The following ATOSA variants were observed in gnomAD, a reference collection of about 807,000 sequenced individuals.
The protein encoded by ATOSA is atos homolog protein A.
chr15:52,625,079 A>T, the ATOSA span, among the ~76,000 whole-genome samples: 1 of 152,168 alleles, frequency 6.6e-6, no homozygotes, highest in African/African-American at 2.4e-5. Context: ...GTGCCTGGCC[A>T]TGTGTACCTG....
chr15:52,661,673 T>C, the ATOSA span, among the ~76,000 whole-genome samples: 1 of 152,098 alleles, frequency 6.6e-6, no homozygotes. Flanking sequence ...CAACTTAGAG[T>C]ACCCTGGTAA....
chr15:52,635,447 C>A, the ATOSA span, among the ~76,000 whole-genome samples: 1 of 152,266 alleles, frequency 6.6e-6, no homozygotes, highest in African/African-American at 2.4e-5. Context: ...AATGCCAGCA[C>A]TTTGGGAGGC....
At chr15:52,699,250 T>TCA in the ATOSA span, among the ~76,000 whole-genome samples, 13 of 152,176 alleles carry the variant, frequency 8.5e-5, no homozygotes, top group Non-Finnish European at 1.8e-4. Context: ...GTCTGTGCCT[T>TCA]CACAGTGGTG....
At chr15:52,614,451 T>G in the ATOSA span, among the ~76,000 whole-genome samples, 1 of 152,060 alleles carries the variant, frequency 6.6e-6, no homozygotes, top group South Asian at 2.1e-4. Flanking sequence ...CTTTTCTAAT[T>G]AAAAAGTGAC....
the ATOSA span, among the ~76,000 whole-genome samples, chr15:52,616,201 G>C: frequency 1.3e-5 from 2 of 152,246 alleles, no homozygotes; most frequent in Non-Finnish European, 2.9e-5. Flanking sequence ...TAGTTGAGTA[G>C]GGGTATGTGG....
At chr15:52,586,871 T>C in the ATOSA span, 2 of 281,920 alleles carry the variant, frequency 7.1e-6, no homozygotes, top group Non-Finnish European at 6.2e-6. Context: ...GCACCAGTAA[T>C]ATTAGGTTCT....
chr15:52,674,351 G>A, the ATOSA span, among the ~76,000 whole-genome samples: 2 of 152,054 alleles, frequency 1.3e-5, no homozygotes, highest in African/African-American at 4.8e-5. Flanking sequence ...GCAACAGGCC[G>A]TGGACCACAC....
At chr15:52,587,264 T>C in the ATOSA span, 1 of 1,478,704 alleles carries the variant, frequency 6.8e-7, no homozygotes. Context: ...GATGCATATG[T>C]ACATAAAAGA....
At chr15:52,690,686 A>G in the ATOSA span, among the ~76,000 whole-genome samples, 1 of 152,250 alleles carries the variant, frequency 6.6e-6, no homozygotes, top group Admixed American at 6.5e-5. Flanking sequence ...GAATAAAATG[A>G]TGACATTTAT....
At chr15:52,700,689 A>G in the ATOSA span, among the ~76,000 whole-genome samples, 2 of 152,228 alleles carry the variant, frequency 1.3e-5, no homozygotes, top group Admixed American at 1.3e-4. Context: ...ATTAAAGATA[A>G]TTAAGCAGTA....
the ATOSA span, among the ~76,000 whole-genome samples, chr15:52,702,062 G>A: frequency 6.6e-6 from 1 of 152,240 alleles, no homozygotes; most frequent in African/African-American, 2.4e-5. Flanking sequence ...ACAAGATTTT[G>A]TATGGGATAC....
chr15:52,699,667 C>T, the ATOSA span, among the ~76,000 whole-genome samples: 1 of 151,884 alleles, frequency 6.6e-6, no homozygotes, highest in Non-Finnish European at 1.5e-5. Flanking sequence ...TGGTGGTAAA[C>T]AGGGCCTTTT....
At chr15:52,650,660 C>G in the ATOSA span, among the ~76,000 whole-genome samples, 2 of 152,084 alleles carry the variant, frequency 1.3e-5, no homozygotes, top group African/African-American at 4.8e-5. Flanking sequence ...AAAAGAACAA[C>G]AACAAAACCC....
At chr15:52,598,269 T>C in the ATOSA span, among the ~76,000 whole-genome samples, 1 of 152,216 alleles carries the variant, frequency 6.6e-6, no homozygotes, top group Non-Finnish European at 1.5e-5. Flanking sequence ...TACGAATTTG[T>C]GTTGGGCTGC....
chr15:52,634,897 T>C, the ATOSA span, among the ~76,000 whole-genome samples: 26 of 152,154 alleles, frequency 1.7e-4, no homozygotes, highest in Non-Finnish European at 1.0e-4. Flanking sequence ...CCATGGTGCC[T>C]GGCCAGATGT....
At chr15:52,681,383 T>TATAGTACC in the ATOSA span, among the ~76,000 whole-genome samples, 1 of 152,318 alleles carries the variant, frequency 6.6e-6, no homozygotes, top group South Asian at 2.1e-4. Flanking sequence ...TCAAGGAGCT[T>TATAGTACC]ATAGTACTAT....
the ATOSA span, among the ~76,000 whole-genome samples, chr15:52,662,601 T>C: frequency 1.3e-5 from 2 of 152,058 alleles, no homozygotes; most frequent in Non-Finnish European, 2.9e-5. Flanking sequence ...AAACCCCGTC[T>C]CTACTAAAAA....
chr15:52,673,826 G>T, the ATOSA span, among the ~76,000 whole-genome samples: 7 of 152,178 alleles, frequency 4.6e-5, no homozygotes, highest in African/African-American at 1.7e-4. Context: ...TGAATTGTTT[G>T]AGGTTAACAG....
At chr15:52,611,613 T>C in the ATOSA span, 1 of 1,614,064 alleles carries the variant, frequency 6.2e-7, no homozygotes, top group Non-Finnish European at 8.5e-7. Context: ...TTTCTAATAA[T>C]AATGCATCTT....
Sources: allele counts gnomAD v4.1 joint callset (sites outside exome capture counted in the v4.1 genomes callset), GRCh38; gene constraint gnomAD v4.1.1; transcripts MANE v1.5; gene names NCBI Gene and HGNC (gene_info 2026-07-23, HGNC 2026-07-21).